ESRRB: variants seen among roughly 807,000 people sequenced by gnomAD.
ESRRB encodes the protein estrogen related receptor beta, also known as steroid hormone receptor ERR2.
Under a neutral mutation model 46.0 loss-of-function variants are expected in ESRRB, and 16 were observed. The ratio of observed to expected loss-of-function variants is 0.35; its 90% CI spans 0.24 to 0.53. The LOEUF (loss-of-function observed/expected upper bound fraction) is 0.53. Among genes scored for constraint, ESRRB ranks in the 20% least tolerant of loss-of-function variants. The pLI, the probability that ESRRB is intolerant of heterozygous loss-of-function variation, is 0.93. For synonymous variants in ESRRB, 246 were observed against 259.6 expected, an observed-to-expected ratio of 0.95 and a Z score of 0.50; for missense variants, 488 against 607.4, an observed-to-expected ratio of 0.80 and a Z score of 2.07.
Position 76,376,579 on chromosome 14 carries a change from G to A in ESRRB, c.50+128G>A, listed in dbSNP as rs1011003825. The A allele has an allele frequency of 3.4e-6, 2 of 593,762 alleles. No individual in the cohort carries two copies. The highest frequency in any genetic ancestry group is 6.9e-5 in the East Asian group (2 of 28,810). 36.8% of individuals were successfully genotyped at this position (593,762 alleles called of 1,614,324 possible). On this transcript the variant is annotated intron_variant, in intron 1 of 6. Transcript: ENST00000644823. The surrounding 1 kb of genome is among the most constrained non-coding windows in gnomAD (Gnocchi z 4.1). ...AGGGACTTCGGGGGGGCACTTGGGG[G>A]ACGAAGGAGGGGAAAAGCCGCACAC...
intron 1 of ESRRB, among the ~76,000 whole-genome samples, chr14:76,329,684 C>T (rs963181400): frequency 6.6e-6 from 1 of 152,128 alleles, no homozygotes; most frequent in Non-Finnish European, 1.5e-5. Context: ...CACACAGACC[C>T]GGGCGCACAC....
At chr14:76,450,638 C>G (rs1425411683) in intron 2 of ESRRB, among the ~76,000 whole-genome samples, 2 of 152,146 alleles carry the variant, frequency 1.3e-5, no homozygotes, top group Non-Finnish European at 2.9e-5. Context: ...AAGAAAACTC[C>G]CCTAGGAGAG....
In ESRRB at chr14:76,499,251, C is replaced by T. The variant is rs974504863; in HGVS notation, c.*793C>T. The T allele has an allele frequency of 1.6e-5, 4 of 254,056 alleles. No homozygotes were observed. Among genetic ancestry groups the T allele is most frequent in the Non-Finnish European group, 2.3e-5 (3 of 129,494 alleles). 15.7% of individuals were successfully genotyped at this position (254,056 alleles called of 1,614,324 possible). A position where few individuals can be genotyped will look rare whatever the true frequency, so the allele number is the denominator to read the frequency against. ...ACTCCAGGGGCTGTAGACAGGAACGCGCTGGCACAGAGAAGAGCGGGGACC... is the reference window on the plus strand; with the variant it reads ...ACTCCAGGGGCTGTAGACAGGAACGTGCTGGCACAGAGAAGAGCGGGGACC... On this transcript the variant is annotated 3_prime_UTR_variant, in exon 7 of 7. Transcript: ENST00000644823.
At position 76,461,037 on chromosome 14, in the gene ESRRB, G is replaced by C. The variant is rs148776521; in HGVS notation, c.461-1508G>C. Among the ~76,000 whole-genome samples, 731 of 151,418 alleles carry C rather than the reference G, an allele frequency of 4.8e-3. 3 individuals carry two copies. The highest frequency in any genetic ancestry group is 7.3e-3 in the Non-Finnish European group (494 of 67,850). ...TTGCATTTCTTTACCTCCCCCACCT[G>C]CTCTCCCCCCATCGTCTTTCCCTCC... On this transcript the variant is annotated intron_variant, in intron 2 of 6. Coordinates refer to ENST00000644823, the MANE Select transcript of ESRRB (RefSeq NM_001379180.1).
intron 1 of ESRRB, among the ~76,000 whole-genome samples, chr14:76,392,299 G>T (rs1566873053): frequency 6.6e-6 from 1 of 152,346 alleles, no homozygotes; most frequent in East Asian, 1.9e-4. Flanking sequence ...AGTGTCACAG[G>T]GTTCCTGGGC....
intron 1 of ESRRB, among the ~76,000 whole-genome samples, chr14:76,332,679 T>TTATATAAA (rs1884037417): frequency 2.5e-4 from 8 of 32,426 alleles, no homozygotes; most frequent in Admixed American, 6.6e-4. Context: ...TATTTATATA[T>TTATATAAA]TATATATTTA....
intron 1 of ESRRB, among the ~76,000 whole-genome samples, chr14:76,355,697 T>C (rs979065692): frequency 1.3e-5 from 2 of 152,144 alleles, no homozygotes; most frequent in Non-Finnish European, 2.9e-5. Context: ...CTCAGTTTTC[T>C]TCTCTGTAAA....
At position 76,500,036 on chromosome 14, in the gene ESRRB, C is replaced by G; in HGVS notation, c.*1578C>G. Reference sequence around the variant, plus strand: ...CCCTCAATGAGAGAGGCAGGCAGATCTCACCCAGCACTAGGACACCAGGAG... The same window carrying G: ...CCCTCAATGAGAGAGGCAGGCAGATGTCACCCAGCACTAGGACACCAGGAG... On this transcript the variant is annotated 3_prime_UTR_variant, in exon 7 of 7. Transcript: ENST00000644823. 1 of 1,555,372 alleles carries G rather than the reference C, an allele frequency of 6.4e-7. No individual in the cohort carries two copies. Among genetic ancestry groups the G allele is most frequent in the Non-Finnish European group, 8.7e-7 (1 of 1,148,742 alleles).
At chr14:76,332,868 TA>T (rs1209268052) in intron 1 of ESRRB, among the ~76,000 whole-genome samples, 3 of 16,436 alleles carry the variant, frequency 1.8e-4, no homozygotes, top group African/African-American at 2.1e-4. Flanking sequence ...TTATATATAA[TA>T]TATTTTTTTA....
chr14:76,445,578 G>A (rs1230053805), intron 2 of ESRRB, among the ~76,000 whole-genome samples: 1 of 151,640 alleles, frequency 6.6e-6, no homozygotes, highest in Admixed American at 6.6e-5. Flanking sequence ...TTCCTTCTGC[G>A]CAATCCAATG....
intron 6 of ESRRB, among the ~76,000 whole-genome samples, chr14:76,495,774 A>G (rs1890404055): frequency 6.6e-6 from 1 of 152,166 alleles, no homozygotes; most frequent in Non-Finnish European, 1.5e-5. Context: ...GAAATTAAAA[A>G]CCAGATGTAC....
chr14:76,394,624 G>A (rs866945732), intron 1 of ESRRB, among the ~76,000 whole-genome samples: 2 of 152,316 alleles, frequency 1.3e-5, no homozygotes, highest in Middle Eastern at 3.4e-3. Flanking sequence ...CTGCAGCTTG[G>A]GTGCAGAAGG....
intron 1 of ESRRB, among the ~76,000 whole-genome samples, chr14:76,329,008 A>G (rs993878341): frequency 6.6e-6 from 1 of 152,194 alleles, no homozygotes; most frequent in African/African-American, 2.4e-5. Flanking sequence ...CTGAAAAACC[A>G]GGTTGTGAAG....
chr14:76,392,050 G>A (rs912932869), intron 1 of ESRRB, among the ~76,000 whole-genome samples: 1 of 152,212 alleles, frequency 6.6e-6, no homozygotes, highest in Admixed American at 6.5e-5. Context: ...ATTTAGAGCC[G>A]GATAGCTCTT....
chr14:76,380,834 A>G (rs1376168997), intron 1 of ESRRB, among the ~76,000 whole-genome samples: 3 of 152,204 alleles, frequency 2.0e-5, no homozygotes, highest in Admixed American at 1.3e-4. Context: ...TGCAGGGTCT[A>G]AGGAAGGACC....
chr14:76,384,083 C>G (rs1885122325), intron 1 of ESRRB, among the ~76,000 whole-genome samples: 1 of 152,032 alleles, frequency 6.6e-6, no homozygotes, highest in African/African-American at 2.4e-5. Flanking sequence ...TTTTGTCTTC[C>G]TAATCGATCA....
At chr14:76,484,903 C>T (rs1889944858) in intron 5 of ESRRB, among the ~76,000 whole-genome samples, 1 of 152,172 alleles carries the variant, frequency 6.6e-6, no homozygotes, top group African/African-American at 2.4e-5. Context: ...CACGGGATTG[C>T]TGTGAGGATG....
intron 1 of ESRRB, among the ~76,000 whole-genome samples, chr14:76,352,694 A>G (rs1884328053): frequency 6.6e-6 from 1 of 152,244 alleles, no homozygotes; most frequent in Admixed American, 6.5e-5. Context: ...ATTGGATAAC[A>G]GTGCCTGGCA....
intron 1 of ESRRB, among the ~76,000 whole-genome samples, chr14:76,344,419 C>T (rs1454694095): frequency 2.6e-5 from 4 of 152,040 alleles, no homozygotes; most frequent in African/African-American, 4.8e-5. Context: ...ACCCCTTGCC[C>T]CCCTCCCACT....
Sources: allele counts gnomAD v4.1 joint callset (sites outside exome capture counted in the v4.1 genomes callset), GRCh38; gene constraint gnomAD v4.1.1; non-coding constraint Gnocchi (gnomAD v3.1); transcripts MANE v1.5; gene names NCBI Gene and HGNC (gene_info 2026-07-23, HGNC 2026-07-21).